The following ZMIZ1 variants were observed in gnomAD, a reference collection of about 807,000 sequenced individuals.
ZMIZ1 encodes zinc finger MIZ-type containing 1, also known as zinc finger MIZ domain-containing protein 1.
Under a neutral mutation model 113.9 loss-of-function variants are expected in ZMIZ1, and 17 were observed. The ratio of observed to expected loss-of-function variants is 0.15; its 90% confidence interval spans 0.10 to 0.22. The LOEUF is 0.22. Ranked by LOEUF, ZMIZ1 falls within the 10% of genes least tolerant of loss-of-function variation. The probability of loss-of-function intolerance (pLI) is 1.00; values close to 1 mark genes in which losing one functional copy is unlikely to be tolerated. For synonymous variants in ZMIZ1, 607 were observed against 603.1 expected (o/e 1.01, Z -0.09); for missense variants, 1,059 against 1,477.8 (o/e 0.72, Z 4.65).
At chr10:79,165,925 TTGG>T (rs1589365904) in intron 4 of ZMIZ1, among the ~76,000 whole-genome samples, 2 of 91,132 alleles carry the variant, frequency 2.2e-5, no homozygotes, top group Admixed American at 1.1e-4. Context: ...TCTTCTGGCC[TTGG>T]CCTCCAAGCC....
intron 4 of ZMIZ1, among the ~76,000 whole-genome samples, chr10:79,182,456 G>C (rs11591421): frequency 0.013 from 1,943 of 152,254 alleles, 38 homozygotes; most frequent in South Asian, 0.074. Context: ...GCTGGGTTTG[G>C]GGGGAGAGTG....
intron 1 of ZMIZ1, among the ~76,000 whole-genome samples, chr10:79,080,425 G>A (rs377357493): frequency 2.7e-5 from 4 of 149,802 alleles, no homozygotes; most frequent in African/African-American, 9.9e-5. Context: ...TCTTGCCTCA[G>A]CCTCCTGAGT....
intron 8 of ZMIZ1, among the ~76,000 whole-genome samples, chr10:79,287,274 C>T (rs1339739771): frequency 1.3e-5 from 2 of 152,204 alleles, no homozygotes; most frequent in Admixed American, 1.3e-4. Flanking sequence ...CTGCACTGCC[C>T]ACTCCCTCTG....
rs979010664 is a variant in ZMIZ1, at chr10:79,314,400, C to T, written c.*1651C>T. The T allele has an allele frequency of 2.1e-5, 8 of 373,282 alleles. No individual in the cohort carries two copies. Among genetic ancestry groups the T allele is most frequent in the Middle Eastern group, 8.9e-4 (1 of 1,124 alleles). The allele number at this position is 373,282 out of a possible 1,614,324, so 23.1% of individuals were successfully genotyped here. A position where few individuals can be genotyped will look rare whatever the true frequency, so the allele number is the denominator to read the frequency against. On this transcript the variant is annotated 3_prime_UTR_variant, in exon 25 of 25. Transcript: ENST00000334512. ...TGTGGGTTTTACCGGAAAGGTGGCC[C>T]CAGCTGTTGACTTCCAGTCACTGTC...
Position 79,085,707 on chromosome 10 carries a change from T to C in ZMIZ1, c.-337+16437T>C, listed in dbSNP as rs148379575. On this transcript the variant is annotated intron_variant, in intron 1 of 24. Transcript: ENST00000334512. The stretch of plus-strand genomic sequence containing the variant: ...CAGGCTTCAGCCCAAGAGATGCCCC[T>C]GAGAACCTCTTTTTCAGGAAGCAAA... Among the ~76,000 whole-genome samples the C allele has an allele frequency of 2.3e-3, 343 of 152,342 alleles. 1 individual carries two copies. Among genetic ancestry groups the C allele is most frequent in the African/African-American group, 7.6e-3 (316 of 41,572 alleles).
At chr10:79,255,681 G>A (rs1302630550) in intron 7 of ZMIZ1, among the ~76,000 whole-genome samples, 1 of 152,040 alleles carries the variant, frequency 6.6e-6, no homozygotes, top group Non-Finnish European at 1.5e-5. Flanking sequence ...TGCCATCAGA[G>A]CCACCTCTCC....
chr10:79,290,307 G>A (rs1489888226), intron 9 of ZMIZ1, among the ~76,000 whole-genome samples: 2 of 152,122 alleles, frequency 1.3e-5, no homozygotes, highest in Non-Finnish European at 2.9e-5. Flanking sequence ...ACTCCCCATT[G>A]CCCTAGTCAG....
At chr10:79,166,002 G>GTGTGTGTGTGTGTGTGTGTGT in intron 4 of ZMIZ1, among the ~76,000 whole-genome samples, 24 of 13,458 alleles carry the variant, frequency 1.8e-3, no homozygotes, top group East Asian at 3.7e-3. Flanking sequence ...GTGTGTGTGT[G>GTGTGTGTGTGTGTGTGTGTGT]GGCTCTCCCT....
intron 11 of ZMIZ1, 143 bp downstream of exon 11, chr10:79,292,499 T>G (rs1434529290): frequency 9.1e-7 from 1 of 1,098,862 alleles, no homozygotes; most frequent in East Asian, 2.4e-5. Flanking sequence ...TGGGCTTTCA[T>G]GGAAGCATGT....
intron 1 of ZMIZ1, among the ~76,000 whole-genome samples, chr10:79,088,380 A>G (rs1240153459): frequency 6.6e-6 from 1 of 152,184 alleles, no homozygotes; most frequent in Admixed American, 6.5e-5. Flanking sequence ...CTGCCTGTGC[A>G]CCAGGCGAGT....
chr10:79,083,739 A>G (rs535204119), intron 1 of ZMIZ1, among the ~76,000 whole-genome samples: 1 of 152,260 alleles, frequency 6.6e-6, no homozygotes, highest in Admixed American at 6.5e-5. Flanking sequence ...TCCTGAATGT[A>G]TTTTAAAGAT....
intron 7 of ZMIZ1, among the ~76,000 whole-genome samples, chr10:79,267,080 G>A (rs1358686324): frequency 1.3e-5 from 2 of 152,268 alleles, no homozygotes; most frequent in Non-Finnish European, 2.9e-5. Flanking sequence ...CACTCCAGAG[G>A]AGGAAGGGGT....
chr10:79,292,051 C>G lies in ZMIZ1; in HGVS notation c.759-107C>G, dbSNP rs1048370658. 5 of 1,142,522 alleles carry G rather than the reference C, an allele frequency of 4.4e-6. No individual in the cohort carries two copies. The East Asian group carries it at 9.5e-5, about 22-fold the overall frequency. The allele number at this position is 1,142,522 out of a possible 1,614,324, so 70.8% of individuals were successfully genotyped here. A position where few individuals can be genotyped will look rare whatever the true frequency, so the allele number is the denominator to read the frequency against. ...CCAATCCCAAGAGGCCCCGTCCCCT[C>G]TAGGTTCTGGGTACAGCTCCATCAT... On this transcript the variant is annotated intron_variant, in intron 10 of 24. Coordinates refer to ENST00000334512, the MANE Select transcript of ZMIZ1 (RefSeq NM_020338.4).
intron 7 of ZMIZ1, among the ~76,000 whole-genome samples, chr10:79,235,568 C>T (rs1849555956): frequency 6.6e-6 from 1 of 152,174 alleles, no homozygotes; most frequent in African/African-American, 2.4e-5. Context: ...CCCTGGCAGC[C>T]CTGACTGTCA....
intron 4 of ZMIZ1, among the ~76,000 whole-genome samples, chr10:79,166,022 GGC>G (rs1846331411): frequency 6.6e-6 from 1 of 150,906 alleles, no homozygotes; most frequent in Non-Finnish European, 1.5e-5. Context: ...TGCAGGGTGG[GGC>G]AGTGGGTCCA....
chr10:79,180,251 C>T (rs1012185063), intron 4 of ZMIZ1, among the ~76,000 whole-genome samples: 1 of 152,146 alleles, frequency 6.6e-6, no homozygotes, highest in Non-Finnish European at 1.5e-5. Flanking sequence ...ACACCCGTGA[C>T]CAGGGCCATG....
At chr10:79,184,690 A>C (rs779377308) in intron 4 of ZMIZ1, among the ~76,000 whole-genome samples, 1 of 152,104 alleles carries the variant, frequency 6.6e-6, no homozygotes, top group African/African-American at 2.4e-5. Context: ...CTCTATGTCT[A>C]GGAGATGCCA....
At chr10:79,197,054 TG>T (rs1450496810) in intron 4 of ZMIZ1, among the ~76,000 whole-genome samples, 1 of 152,212 alleles carries the variant, frequency 6.6e-6, no homozygotes, top group East Asian at 1.9e-4. Flanking sequence ...GCTGGCTGCC[TG>T]GGCCACCGGT....
rs948420519 is a variant in ZMIZ1, at chr10:79,304,076, T to C, written c.2187T>C (p.Asp729=). Residue 729 remains aspartate (D), a synonymous_variant, in exon 19 of 25, where the codon GAT becomes GAC. Coordinates refer to ENST00000334512, the MANE Select transcript of ZMIZ1 (RefSeq NM_020338.4). ...SSGNTTLNGE[D]GVEQTAIKVS... The stretch of plus-strand genomic sequence containing the variant: ...GCAACACGACCCTCAACGGGGAGGA[T>C]GGGGTGGAGCAGACGGCCATCAAGG... 1.2e-6 allele frequency: 2 copies of C among 1,613,918 alleles called. No individual in the cohort carries two copies. The highest frequency in any genetic ancestry group is 1.7e-5 in the Admixed American group (1 of 59,996).
Sources: gnomAD v4.1 joint callset for allele counts (sites outside exome capture counted in the v4.1 genomes callset) on GRCh38, gnomAD v4.1.1 for gene constraint, MANE v1.5 for transcripts, NCBI Gene and HGNC (gene_info 2026-07-23, HGNC 2026-07-21) for gene names.